BEGAIN: variants seen among roughly 807,000 people sequenced by gnomAD.
BEGAIN encodes brain enriched guanylate kinase associated, also known as brain-enriched guanylate kinase-associated protein.
In BEGAIN, 19 loss-of-function variants were observed where a neutral mutation model predicts 35.8. That is an observed-to-expected ratio of 0.53 (90% confidence interval 0.37 to 0.78). The LOEUF is 0.78. Among genes scored for constraint, BEGAIN ranks in the 30% least tolerant of loss-of-function variants. The pLI is 0.00. For synonymous variants in BEGAIN, 462 were observed against 388.6 expected (o/e 1.19, Z -2.22); for missense variants, 795 against 853.6 (o/e 0.93, Z 0.85).
chr14:100,538,484 C>T lies in BEGAIN; in HGVS notation c.1324G>A (p.Val442Met). 1 of 1,557,322 alleles carries T rather than the reference C, an allele frequency of 6.4e-7. No homozygotes were observed. The highest frequency in any genetic ancestry group is 8.6e-7 in the Non-Finnish European group (1 of 1,156,804). ...TAGGAGTAGGCGCCGATGTCCTCCA[C>T]GCTCAGGGGACGCCACTGGCCCCTC... The part of the protein sequence containing the change: ...DMRGQWRPLS[V>M]EDIGAYSYPV... Residue 442 changes from valine (V) to methionine (M), a missense_variant, in exon 7 of 7, where the codon GTG becomes ATG. This residue lies in a region of BEGAIN where 664 missense variants were observed against 647.7 expected (regional missense o/e 1.03). Coordinates refer to ENST00000554140, the MANE Select transcript of BEGAIN (RefSeq NM_001385089.1).
intron 2 of BEGAIN, among the ~76,000 whole-genome samples, chr14:100,564,705 G>A (rs759723139): frequency 2.0e-5 from 3 of 152,190 alleles, no homozygotes; most frequent in Admixed American, 6.5e-5. Context: ...CCCCCGGCCT[G>A]TGGGAGCCCT....
chr14:100,554,623 A>G (rs1054678890), intron 2 of BEGAIN, among the ~76,000 whole-genome samples: 2 of 151,722 alleles, frequency 1.3e-5, no homozygotes, highest in Admixed American at 6.6e-5. Flanking sequence ...GATGAGGTCA[A>G]TTGCTGCCCC....
Position 100,567,724 on chromosome 14 carries a change from A to G in BEGAIN, c.71+187T>C, listed in dbSNP as rs1318446099. 6.7e-6 allele frequency among the ~76,000 whole-genome samples: 1 copy of G among 150,354 alleles called. No individual in the cohort carries two copies. The highest frequency in any genetic ancestry group is 1.5e-5 in the Non-Finnish European group (1 of 67,480). ...CGGGCCGGCGGAGGAGCCCCGCGCG[A>G]GGCTCCCCAGCGCCTCGCGGCGCGC... On this transcript the variant is annotated intron_variant, in intron 2 of 6. Transcript: ENST00000554140. This position sits in a 1 kb window ranked among gnomAD's most constrained non-coding sequence, Gnocchi z 5.1.
chr14:100,555,279 TG>T (rs1236464261), intron 2 of BEGAIN, among the ~76,000 whole-genome samples: 6 of 152,216 alleles, frequency 3.9e-5, no homozygotes, highest in Non-Finnish European at 7.3e-5. Context: ...AAACCCGGGC[TG>T]GGTGGGCAGA....
intron 1 of BEGAIN, among the ~76,000 whole-genome samples, chr14:100,583,940 C>T (rs1039432522): frequency 3.3e-5 from 5 of 152,180 alleles, no homozygotes; most frequent in Non-Finnish European, 1.5e-5. Context: ...CTCAGGTGGT[C>T]CACTCACCTT....
At chr14:100,546,746 A>T in intron 2 of BEGAIN, 84 bp from the exon 3 acceptor site, 2 of 1,339,506 alleles carry the variant, frequency 1.5e-6, no homozygotes, top group Non-Finnish European at 9.7e-7. Context: ...GGCGTGCCGC[A>T]CTAACACGCG....
At chr14:100,546,778 GCGCACACACACACACACA>G (rs1182992755) in intron 2 of BEGAIN, 116 bp from the exon 3 acceptor site, 2 of 542,178 alleles carry the variant, frequency 3.7e-6, no homozygotes, top group Non-Finnish European at 5.6e-6. Flanking sequence ...GCGCGCGCGC[GCGCACACACACACACACA>G]CACACACACA....
At position 100,568,429 on chromosome 14, in the gene BEGAIN, A is replaced by T; in HGVS notation, c.43-490T>A. Reference sequence around the variant, plus strand: ...GGAATTCGGGGCCGTGCAGGATTGCAGAACCTGACACTCACACAATCCGAG... The same window carrying T: ...GGAATTCGGGGCCGTGCAGGATTGCTGAACCTGACACTCACACAATCCGAG... On this transcript the variant is annotated intron_variant, in intron 1 of 6. Transcript: ENST00000554140. The surrounding 1 kb of genome is among the most constrained non-coding windows in gnomAD (Gnocchi z 7.5). 1 of 1,282,066 alleles carries T rather than the reference A, an allele frequency of 7.8e-7. No homozygotes were observed. Among genetic ancestry groups the T allele is most frequent in the Non-Finnish European group, 1.0e-6 (1 of 984,628 alleles). 79.4% of individuals were successfully genotyped at this position (1,282,066 alleles called of 1,614,324 possible). A position where few individuals can be genotyped will look rare whatever the true frequency, so the allele number is the denominator to read the frequency against.
chr14:100,568,985 G>A lies in BEGAIN; in HGVS notation c.43-1046C>T. 2 of 979,684 alleles carry A rather than the reference G, an allele frequency of 2.0e-6. No homozygotes were observed. The highest frequency in any genetic ancestry group is 2.4e-6 in the Non-Finnish European group (2 of 825,912). 60.7% of individuals were successfully genotyped at this position (979,684 alleles called of 1,614,324 possible). Reference sequence around the variant, plus strand: ...CGGGAGCGCGCTCCGCTCGGGTCCGGGCCCCACGCCGCCTCCCCCACCGCC... The same window carrying A: ...CGGGAGCGCGCTCCGCTCGGGTCCGAGCCCCACGCCGCCTCCCCCACCGCC... On this transcript the variant is annotated intron_variant, in intron 1 of 6. Coordinates refer to ENST00000554140, the MANE Select transcript of BEGAIN (RefSeq NM_001385089.1). The surrounding 1 kb of genome is among the most constrained non-coding windows in gnomAD (Gnocchi z 7.5).
rs201229779 is a variant in BEGAIN, at chr14:100,544,987, G to C, written c.300+13C>G. The C allele has an allele frequency of 1.9e-6, 3 of 1,610,386 alleles. No individual in the cohort carries two copies. Among genetic ancestry groups the C allele is most frequent in the Middle Eastern group, 1.7e-4 (1 of 6,050 alleles). ...TGTGGGGTGGGGGAGTGGGCGCTGC[G>C]TGGCGGCCTCACCATGCGGTACAGC... On this transcript the variant is annotated intron_variant, in intron 4 of 6. Transcript: ENST00000554140.
chr14:100,539,013 G>T lies in BEGAIN; in HGVS notation c.795C>A (p.Ser265Arg), dbSNP rs765397106. 3.7e-6 allele frequency: 6 copies of T among 1,610,846 alleles called. No individual in the cohort carries two copies. The highest frequency in any genetic ancestry group is 5.1e-6 in the Non-Finnish European group (6 of 1,179,130). The part of the protein sequence containing the change: ...PEERRRDRRP[S>R]VDAPVTDVGF... ...CCACGTCGGTCACGGGCGCGTCCAC[G>T]CTAGGCCGCCGGTCTCGCCGCCGCT... The change falls in exon 7 of 7, where the codon AGC (serine) becomes AGA (arginine). Residue 265 changes from serine to arginine, a missense_variant. Ser to Arg is a moderately radical substitution (Grantham distance 110). Coordinates refer to ENST00000554140, the MANE Select transcript of BEGAIN (RefSeq NM_001385089.1).
At chr14:100,557,160 C>T (rs897897673) in intron 2 of BEGAIN, among the ~76,000 whole-genome samples, 8 of 151,280 alleles carry the variant, frequency 5.3e-5, no homozygotes, top group Non-Finnish European at 8.8e-5. Context: ...CGAGTCAGGG[C>T]GGGCCAAACC....
rs2033977304 is a variant in BEGAIN at position 100,558,720 on chromosome 14, AT to A, written c.71+9190del. ...CCTTGACTCCTCTCTTTCTCTCCCC[AT>A]CCTTCCCAGGGTATACCAGGAGCCT... On this transcript the variant is annotated intron_variant, in intron 2 of 6. Transcript: ENST00000554140. The surrounding 1 kb of genome is among the most constrained non-coding windows in gnomAD (Gnocchi z 4.6). Among the ~76,000 whole-genome samples the A allele has an allele frequency of 6.6e-6, 1 of 151,724 alleles. No individual in the cohort carries two copies. Among genetic ancestry groups the A allele is most frequent in the African/African-American group, 2.4e-5 (1 of 41,278 alleles).
In BEGAIN at chr14:100,573,764, G is replaced by C. The variant is rs2035141631; in HGVS notation, c.43-5825C>G. On this transcript the variant is annotated intron_variant, in intron 1 of 6. Transcript: ENST00000554140. This position sits in a 1 kb window ranked among gnomAD's most constrained non-coding sequence, Gnocchi z 4.2. ...CTGGGAAATGGGCTTGGAGTTCAGG[G>C]GAGGCTCCAGGAGATGTGAACCTGG... 6.6e-6 allele frequency among the ~76,000 whole-genome samples: 1 copy of C among 152,114 alleles called. No homozygotes were observed. The highest frequency in any genetic ancestry group is 6.5e-5 in the Admixed American group (1 of 15,286).
rs190271448 is a variant in BEGAIN, at chr14:100,543,311, T to G, written c.408+547A>C. On this transcript the variant is annotated intron_variant, in intron 5 of 6. Coordinates refer to ENST00000554140, the MANE Select transcript of BEGAIN (RefSeq NM_001385089.1). ...CCAGAGGTGTTTTTTTTTTTGTTTT[T>G]TTTTTTGCCTGTGTTGTTCACACCA... Among the ~76,000 whole-genome samples, 415 of 152,228 alleles carry G rather than the reference T, an allele frequency of 2.7e-3. 3 individuals carry two copies. Among genetic ancestry groups the G allele is most frequent in the African/African-American group, 9.6e-3 (397 of 41,524 alleles).
chr14:100,575,987 C>T (rs1341972508), intron 1 of BEGAIN, among the ~76,000 whole-genome samples: 1 of 152,162 alleles, frequency 6.6e-6, no homozygotes, highest in East Asian at 1.9e-4. Flanking sequence ...GTGGGGCTCC[C>T]AGCTCACCAC....
chr14:100,576,515 G>A (rs550090727), intron 1 of BEGAIN, among the ~76,000 whole-genome samples: 12 of 152,246 alleles, frequency 7.9e-5, no homozygotes, highest in Non-Finnish European at 1.5e-4. Context: ...ACCCCCTCCC[G>A]GCAGGAAAGC....
intron 1 of BEGAIN, among the ~76,000 whole-genome samples, chr14:100,580,588 C>T (rs546312015): frequency 3.3e-5 from 5 of 152,258 alleles, no homozygotes; most frequent in South Asian, 2.1e-4. Context: ...CCCAGCTGAC[C>T]TTCAGGGTCC....
At chr14:100,560,014 C>T (rs887186976) in intron 2 of BEGAIN, among the ~76,000 whole-genome samples, 2 of 152,196 alleles carry the variant, frequency 1.3e-5, no homozygotes, top group Non-Finnish European at 2.9e-5. Context: ...CTAGGATCCC[C>T]CAATCTCTGC....
Sources: gnomAD v4.1 joint callset for allele counts (sites outside exome capture counted in the v4.1 genomes callset) on GRCh38, gnomAD v4.1.1 for gene constraint, gnomAD v4.1.1 regional missense constraint, Gnocchi (gnomAD v3.1) non-coding constraint, MANE v1.5 for transcripts, NCBI Gene and HGNC (gene_info 2026-07-23, HGNC 2026-07-21) for gene names.